The following CCNQ variants were observed in gnomAD, a reference collection of about 807,000 sequenced individuals.
CCNQ encodes cyclin-Q.
In CCNQ, 3 loss-of-function variants were observed where a neutral mutation model predicts 17.7. That is an observed-to-expected ratio of 0.17 (90% CI 0.08 to 0.44). The LOEUF (loss-of-function observed/expected upper bound fraction) is 0.44. CCNQ is among the 20% of genes least tolerant of loss of function. The pLI, the probability that CCNQ is intolerant of heterozygous loss-of-function variation, is 0.99. For synonymous variants in CCNQ, 73 were observed against 96.0 expected (o/e 0.76, Z 1.40); for missense variants, 146 against 222.6 (o/e 0.66, Z 2.19).
At chrX:153,593,979 C>T (rs1257314572) in intron 3 of CCNQ, among the ~76,000 whole-genome samples, 2 of 113,184 alleles carry the variant, frequency 1.8e-5, no homozygotes, top group African/African-American at 6.4e-5. Context: ...CATGGAGCTG[C>T]GGTGCCCAGA....
chrX:153,596,536 A>G (rs951418841), intron 1 of CCNQ, among the ~76,000 whole-genome samples: 2 of 112,795 alleles, frequency 1.8e-5, no homozygotes, highest in East Asian at 5.5e-4. Flanking sequence ...CAACTGGCAT[A>G]GCAGCTTCTG....
intron 1 of CCNQ, chrX:153,597,590 T>C (rs1208423174): frequency 1.8e-5 from 2 of 111,996 alleles, no homozygotes; most frequent in Admixed American, 1.9e-4. Flanking sequence ...TCTAGGATGA[T>C]CTCCCATCTT....
rs1476308542 is a variant in CCNQ, at chrX:153,599,087, A to ACCGGCGGAAGGAGAGGCGGCC, written c.-35_-15dup. On this transcript the variant is annotated 5_prime_UTR_variant, in exon 1 of 5. Coordinates refer to ENST00000576892, the MANE Select transcript of CCNQ (RefSeq NM_152274.5). ...CGGGGCTTCCATGAGGCGCCGCGGC[A>ACCGGCGGAAGGAGAGGCGGCC]CCGGCGGAAGGAGAGGCGGCCCCGG... The ACCGGCGGAAGGAGAGGCGGCC allele has an allele frequency of 1.0e-6, 1 of 955,090 alleles. No individual in the cohort carries two copies. The highest frequency in any genetic ancestry group is 1.3e-6 in the Non-Finnish European group (1 of 746,970). The allele number at this position is 955,090 out of a possible 1,213,427, so 78.7% of individuals were successfully genotyped here. A position where few individuals can be genotyped will look rare whatever the true frequency, so the allele number is the denominator to read the frequency against.
In CCNQ at chrX:153,588,459, AAAG is replaced by A. The variant is rs782376988; in HGVS notation, c.658-8_658-6del. Reference sequence around the variant, plus strand: ...GGTAAGGTCGTCATTAAACACCTAGAAAGAAGAAGGAAAACAGGTTCCAGTTAG... The same window carrying A: ...GGTAAGGTCGTCATTAAACACCTAGAAAGAAGGAAAACAGGTTCCAGTTAG... On this transcript the variant is annotated splice_polypyrimidine_tract_variant and splice_region_variant and intron_variant, in intron 4 of 4. Transcript: ENST00000576892. The A allele has an allele frequency of 4.1e-4, 484 of 1,177,494 alleles. No individual in the cohort carries two copies. The highest frequency in any genetic ancestry group is 1.1e-3 in the Admixed American group (49 of 45,870).
intron 4 of CCNQ, among the ~76,000 whole-genome samples, chrX:153,591,280 T>C (rs1380242872): frequency 8.9e-6 from 1 of 111,793 alleles, no homozygotes; most frequent in African/African-American, 3.3e-5. Flanking sequence ...AGGTCAAGTT[T>C]AGCAGAGCCT....
chrX:153,596,104 C>T lies in CCNQ; in HGVS notation c.196G>A (p.Ala66Thr), dbSNP rs1603162343. The T allele has an allele frequency of 2.1e-5, 25 of 1,210,749 alleles. No individual in the cohort carries two copies. In the East Asian group the frequency reaches 4.4e-4, roughly 21 times the overall value. Reference protein sequence around the residue: ...HKFFCETNLDAYDPYLIAMSS... With the variant: ...HKFFCETNLDTYDPYLIAMSS... Reference sequence around the variant, plus strand: ...ATGGCAATCAGGTAAGGGTCATAGGCGTCCAGGTTGGTCTCGCAAAAGAAC... The same window carrying T: ...ATGGCAATCAGGTAAGGGTCATAGGTGTCCAGGTTGGTCTCGCAAAAGAAC... The change falls in exon 2 of 5, where the codon GCC (alanine) becomes ACC (threonine). Residue 66 changes from alanine to threonine, a missense_variant. Transcript: ENST00000576892.
intron 4 of CCNQ, among the ~76,000 whole-genome samples, chrX:153,591,421 G>T (rs1011582201): frequency 3.6e-5 from 4 of 112,363 alleles, no homozygotes; most frequent in African/African-American, 1.3e-4. Flanking sequence ...TGGCTGTGCA[G>T]GGTTACCTGG....
At chrX:153,590,231 TAAAAA>T (rs59053078) in intron 4 of CCNQ, among the ~76,000 whole-genome samples, 7 of 26,456 alleles carry the variant, frequency 2.6e-4, no homozygotes, top group African/African-American at 5.2e-4. Flanking sequence ...CTGTCTCTAT[TAAAAA>T]AAAAAAAAAA....
intron 1 of CCNQ, among the ~76,000 whole-genome samples, chrX:153,598,115 T>G (rs1453684807): frequency 1.8e-5 from 2 of 111,212 alleles, no homozygotes; most frequent in Non-Finnish European, 3.8e-5. Context: ...CAGTATCTCC[T>G]ATCAAGATAC....
At chrX:153,593,122 G>C (rs914178201) in intron 3 of CCNQ, among the ~76,000 whole-genome samples, 12 of 112,635 alleles carry the variant, frequency 1.1e-4, no homozygotes, top group African/African-American at 3.9e-4. Flanking sequence ...AGAACAGAAG[G>C]TGCTGCTCCC....
chrX:153,596,868 G>A (rs1363129769), intron 1 of CCNQ, among the ~76,000 whole-genome samples: 2 of 112,685 alleles, frequency 1.8e-5, no homozygotes, highest in Non-Finnish European at 3.8e-5. Context: ...GCTGGTTTAC[G>A]CCTGTAATCC....
intron 3 of CCNQ, among the ~76,000 whole-genome samples, chrX:153,593,300 C>T (rs1275385965): frequency 3.6e-5 from 4 of 112,342 alleles, no homozygotes; most frequent in African/African-American, 9.7e-5. Flanking sequence ...AACACACATG[C>T]GTGTGACCCC....
chrX:153,595,264 T>C (rs1449512235), intron 2 of CCNQ, among the ~76,000 whole-genome samples: 1 of 112,474 alleles, frequency 8.9e-6, no homozygotes, highest in Non-Finnish European at 1.9e-5. Flanking sequence ...ACCACAGGCA[T>C]GCGCCACCAC....
chrX:153,597,866 A>C (rs2091038624), intron 1 of CCNQ, among the ~76,000 whole-genome samples: 2 of 111,293 alleles, frequency 1.8e-5, no homozygotes, highest in Non-Finnish European at 3.8e-5. Context: ...TGTTTTACAG[A>C]GCAAACCCCA....
intron 4 of CCNQ, among the ~76,000 whole-genome samples, chrX:153,591,377 C>T (rs1053054214): frequency 1.8e-5 from 2 of 112,203 alleles, no homozygotes; most frequent in African/African-American, 6.5e-5. Flanking sequence ...GAGTCTGGGC[C>T]GCCAGCAAAC....
At position 153,596,102 on chromosome X, in the gene CCNQ, G is replaced by A. The variant is rs782499597; in HGVS notation, c.198C>T (p.Ala66=). The change falls in exon 2 of 5, where the codon GCC becomes GCT. Residue 66 remains alanine, a synonymous_variant. Transcript: ENST00000576892. ...ACATGGCAATCAGGTAAGGGTCATAGGCGTCCAGGTTGGTCTCGCAAAAGA... is the reference window on the plus strand; with the variant it reads ...ACATGGCAATCAGGTAAGGGTCATAAGCGTCCAGGTTGGTCTCGCAAAAGA... ...HKFFCETNLD[A]YDPYLIAMSS... The A allele has an allele frequency of 3.3e-5, 40 of 1,210,975 alleles. No individual in the cohort carries two copies. The Admixed American group carries it at 8.5e-4, about 26-fold the overall frequency.
intron 4 of CCNQ, among the ~76,000 whole-genome samples, chrX:153,590,958 C>T (rs1412572699): frequency 2.7e-5 from 3 of 112,278 alleles, no homozygotes; most frequent in East Asian, 5.6e-4. Flanking sequence ...TCATTTCTGA[C>T]CCCGCTACTG....
rs1557026036 is a variant in CCNQ, at chrX:153,592,586, C to T, written c.577G>A (p.Val193Met). 5 of 1,211,765 alleles carry T rather than the reference C, an allele frequency of 4.1e-6. No homozygotes were observed. The highest frequency in any genetic ancestry group is 2.2e-5 in the Admixed American group (1 of 46,127). The part of the protein sequence containing the change: ...CLRFQAQHIA[V>M]AVLYLALQVY... ...TGCAGGGCCAGGTAGAGCACCGCCA[C>T]GGCGATGTGCTGGGCCTGGAAGCGG... Residue 193 changes from valine to methionine, a missense_variant, in exon 4 of 5, where the codon GTG (valine) becomes ATG (methionine). Physicochemically the swap from Val to Met is conservative, Grantham distance 21. Coordinates refer to ENST00000576892, the MANE Select transcript of CCNQ (RefSeq NM_152274.5).
rs1352273169 is a variant in CCNQ, at chrX:153,590,925, G to A, written c.657+1581C>T. Among the ~76,000 whole-genome samples, 4 of 111,910 alleles carry A rather than the reference G, an allele frequency of 3.6e-5. No individual in the cohort carries two copies. The Admixed American group carries it at 3.8e-4, about 11-fold the overall frequency. The stretch of plus-strand genomic sequence containing the variant: ...TGTGGCTCTGGACGTGGAAGTTTCA[G>A]CAGCATTGCGTGACGACCTGCATCA... On this transcript the variant is annotated intron_variant, in intron 4 of 4. Coordinates refer to ENST00000576892, the MANE Select transcript of CCNQ (RefSeq NM_152274.5).
Sources: gnomAD v4.1 joint callset for allele counts (sites outside exome capture counted in the v4.1 genomes callset) on GRCh38, gnomAD v4.1.1 for gene constraint, MANE v1.5 for transcripts, NCBI Gene and HGNC (gene_info 2026-07-23, HGNC 2026-07-21) for gene names.